The following SNIP1 variants were observed in gnomAD, a reference collection of about 807,000 sequenced individuals.
SNIP1 encodes the protein Smad nuclear interacting protein 1.
In SNIP1, 23 loss-of-function variants were observed where a neutral mutation model predicts 37.4. The ratio of observed to expected loss-of-function variants is 0.61; its 90% CI spans 0.44 to 0.87. The LOEUF (loss-of-function observed/expected upper bound fraction) is 0.87. SNIP1 is among the 40% of genes least tolerant of loss of function. SNIP1 has a pLI of 0.00. For synonymous variants in SNIP1, 174 were observed against 200.0 expected (o/e 0.87, Z 1.10); for missense variants, 459 against 540.4 (o/e 0.85, Z 1.49).
At chr1:37,552,291 T>C (rs1475571553) in intron 2 of SNIP1, among the ~76,000 whole-genome samples, 1 of 152,176 alleles carries the variant, frequency 6.6e-6, no homozygotes, top group Non-Finnish European at 1.5e-5. Context: ...GTGAAGGAAA[T>C]GTTATCTTGA....
At chr1:37,553,235 G>A (rs1643324357) in intron 1 of SNIP1, among the ~76,000 whole-genome samples, 1 of 151,942 alleles carries the variant, frequency 6.6e-6, no homozygotes, top group African/African-American at 2.4e-5. Context: ...CAGGTTCTTT[G>A]CAGATGTTGT....
At chr1:37,550,289 A>G (rs1484057093) in intron 2 of SNIP1, among the ~76,000 whole-genome samples, 6 of 152,252 alleles carry the variant, frequency 3.9e-5, no homozygotes, top group African/African-American at 1.4e-4. Flanking sequence ...AAGAAAATGA[A>G]GACAGCTACA....
At chr1:37,545,631 C>A (rs1262261966) in intron 2 of SNIP1, among the ~76,000 whole-genome samples, 1 of 151,722 alleles carries the variant, frequency 6.6e-6, no homozygotes, top group African/African-American at 2.4e-5. Context: ...ATTAGCATGG[C>A]CCCTAATTTA....
chr1:37,542,810 G>C (rs1643190041), intron 2 of SNIP1, among the ~76,000 whole-genome samples: 1 of 151,992 alleles, frequency 6.6e-6, no homozygotes, highest in South Asian at 2.1e-4. Flanking sequence ...GGGCACAGTG[G>C]GTCACGCCTG....
Position 37,534,456 on chromosome 1 carries a change from T to A in SNIP1, c.*3292A>T, listed in dbSNP as rs1643060616. 6.6e-6 allele frequency: 1 copy of A among 152,258 alleles called. No individual in the cohort carries two copies. Among genetic ancestry groups the A allele is most frequent in the Non-Finnish European group, 1.5e-5 (1 of 68,046 alleles). 9.4% of individuals were successfully genotyped at this position (152,258 alleles called of 1,614,324 possible). On this transcript the variant is annotated 3_prime_UTR_variant, in exon 4 of 4. Coordinates refer to ENST00000296215, the MANE Select transcript of SNIP1 (RefSeq NM_024700.4). ...TTTACCCAAGAGACCAAATGAAGCT[T>A]TACATTCCAAAACTTTAATGTCAAT...
intron 2 of SNIP1, chr1:37,545,213 C>T: frequency 4.4e-6 from 3 of 678,692 alleles, no homozygotes; most frequent in South Asian, 1.4e-5. Flanking sequence ...ATGTGACCAA[C>T]TTGCGCAAGA....
At chr1:37,549,531 C>G (rs1643279011) in intron 2 of SNIP1, among the ~76,000 whole-genome samples, 1 of 152,128 alleles carries the variant, frequency 6.6e-6, no homozygotes, top group Non-Finnish European at 1.5e-5. Flanking sequence ...AGGAGCTACT[C>G]AGCCTCCTGA....
chr1:37,542,925 C>A (rs1643191177), intron 2 of SNIP1, among the ~76,000 whole-genome samples: 1 of 151,888 alleles, frequency 6.6e-6, no homozygotes, highest in Admixed American at 6.6e-5. Context: ...CCAGGCACGA[C>A]AGCATGCACC....
At position 37,553,658 on chromosome 1, in the gene SNIP1, C is replaced by T. The variant is rs1643328469; in HGVS notation, c.224+348G>A. Among the ~76,000 whole-genome samples, 4 of 152,008 alleles carry T rather than the reference C, an allele frequency of 2.6e-5. No homozygotes were observed. The South Asian group carries it at 8.3e-4, about 31-fold the overall frequency. Reference sequence around the variant, plus strand: ...ATGTGAAAACCTTTCTGGCAGGTAACCGGAAAGACAACGCCCACACTCCAT... The same window carrying T: ...ATGTGAAAACCTTTCTGGCAGGTAATCGGAAAGACAACGCCCACACTCCAT... On this transcript the variant is annotated intron_variant, in intron 1 of 3. Transcript: ENST00000296215.
intron 2 of SNIP1, among the ~76,000 whole-genome samples, chr1:37,543,596 A>G (rs1276653392): frequency 6.6e-6 from 1 of 152,166 alleles, no homozygotes; most frequent in East Asian, 1.9e-4. Flanking sequence ...ACATATTTCT[A>G]TATATAGACT....
chr1:37,553,729 C>G (rs1341424468), intron 1 of SNIP1, among the ~76,000 whole-genome samples: 2 of 152,130 alleles, frequency 1.3e-5, no homozygotes, highest in Non-Finnish European at 2.9e-5. Flanking sequence ...AACAGATTAT[C>G]AGTGCTATCT....
intron 2 of SNIP1, among the ~76,000 whole-genome samples, chr1:37,546,144 GACCC>G (rs757135820): frequency 3.1e-5 from 1 of 32,630 alleles, no homozygotes; most frequent in African/African-American, 8.3e-5. Context: ...CTGGGACTAA[GACCC>G]CCCCCCCCCC....
At chr1:37,543,662 T>TA (rs1643197197) in intron 2 of SNIP1, among the ~76,000 whole-genome samples, 1 of 151,956 alleles carries the variant, frequency 6.6e-6, no homozygotes, top group Admixed American at 6.6e-5. Context: ...AGATACTTAT[T>TA]AAATTTTTAA....
intron 2 of SNIP1, among the ~76,000 whole-genome samples, chr1:37,549,413 G>A (rs1264086683): frequency 2.0e-5 from 3 of 152,064 alleles, no homozygotes; most frequent in African/African-American, 7.2e-5. Flanking sequence ...CAAAATCCTA[G>A]CAAGACTTTT....
chr1:37,538,077 G>A (rs1207993021), intron 3 of SNIP1, 65 bp from the exon 4 acceptor site: 1 of 1,510,686 alleles, frequency 6.6e-7, no homozygotes. Context: ...CTTCTCTAAA[G>A]CTCTTTGCTA....
intron 2 of SNIP1, among the ~76,000 whole-genome samples, chr1:37,549,356 A>C (rs990674634): frequency 2.0e-5 from 3 of 152,220 alleles, no homozygotes; most frequent in Non-Finnish European, 2.9e-5. Context: ...TTAACATAGT[A>C]AAAAGTCAAT....
chr1:37,539,442 T>C (rs149826657), intron 3 of SNIP1, among the ~76,000 whole-genome samples: 28 of 152,338 alleles, frequency 1.8e-4, no homozygotes, highest in African/African-American at 6.0e-4. Flanking sequence ...CCAGCCGCAG[T>C]GGCTCACACC....
chr1:37,538,540 AGTTGCTGGAAGGT>A (rs375037930), intron 3 of SNIP1, among the ~76,000 whole-genome samples: 61 of 148,518 alleles, frequency 4.1e-4, no homozygotes, highest in Non-Finnish European at 8.0e-4. Context: ...GGTGAGAATG[AGTTGCTGGAAGGT>A]GGGGAGAATC....
At position 37,552,628 on chromosome 1, in the gene SNIP1, C is replaced by T. The variant is rs1261762455; in HGVS notation, c.327+17G>A. ...GGCTCTCAATTTGGACCCATCAAAA[C>T]ACCCCAATCCACTTACCTGCTTCAC... On this transcript the variant is annotated intron_variant, in intron 2 of 3. Coordinates refer to ENST00000296215, the MANE Select transcript of SNIP1 (RefSeq NM_024700.4). 6.2e-7 allele frequency: 1 copy of T among 1,605,816 alleles called. No homozygotes were observed. The highest frequency in any genetic ancestry group is 8.5e-7 in the Non-Finnish European group (1 of 1,172,566).
Sources: allele counts gnomAD v4.1 joint callset (sites outside exome capture counted in the v4.1 genomes callset), GRCh38; gene constraint gnomAD v4.1.1; transcripts MANE v1.5; gene names NCBI Gene and HGNC (gene_info 2026-07-23, HGNC 2026-07-21).